Variants in CDH13 observed in about 807,000 individuals in gnomAD.
CDH13 encodes cadherin 13, also known as cadherin-13.
Under a neutral mutation model 63.8 loss-of-function variants are expected in CDH13, and 24 were observed. The observed-to-expected ratio is 0.38, with a 90% CI of 0.27 to 0.53. The LOEUF is 0.53. CDH13 is among the 20% of genes least tolerant of loss of function. CDH13 has a pLI of 0.85. For synonymous variants in CDH13, 503 were observed against 355.3 expected (o/e 1.42, Z -4.67); for missense variants, 1,049 against 903.1 (o/e 1.16, Z -2.07).
chr16:83,304,573 C>T (rs1388193064), intron 5 of CDH13, among the ~76,000 whole-genome samples: 1 of 152,052 alleles, frequency 6.6e-6, no homozygotes, highest in African/African-American at 2.4e-5. Context: ...GATATTTGTC[C>T]TCGATACATA....
chr16:82,918,715 G>A (rs2042068209), intron 2 of CDH13, among the ~76,000 whole-genome samples: 1 of 151,960 alleles, frequency 6.6e-6, no homozygotes. Context: ...CAACGTGTTG[G>A]CCAGGCTGGT....
At chr16:83,004,862 G>A (rs1427378218) in intron 2 of CDH13, among the ~76,000 whole-genome samples, 1 of 152,198 alleles carries the variant, frequency 6.6e-6, no homozygotes, top group Non-Finnish European at 1.5e-5. Context: ...AGTTACAGCA[G>A]CTTTGTGATT....
intron 7 of CDH13, among the ~76,000 whole-genome samples, chr16:83,512,396 C>A (rs968373792): frequency 2.0e-5 from 3 of 149,228 alleles, no homozygotes; most frequent in African/African-American, 7.4e-5. Flanking sequence ...AAGGGCTGGG[C>A]GTGGTGGCTC....
intron 2 of CDH13, among the ~76,000 whole-genome samples, chr16:82,910,214 G>C (rs2041785721): frequency 6.6e-6 from 1 of 152,128 alleles, no homozygotes; most frequent in Admixed American, 6.5e-5. Flanking sequence ...TTAAACCCTT[G>C]TTGTTTGACA....
intron 7 of CDH13, among the ~76,000 whole-genome samples, chr16:83,491,604 C>G (rs2074014316): frequency 6.7e-6 from 1 of 149,242 alleles, no homozygotes; most frequent in African/African-American, 2.5e-5. Context: ...GAAATAGTTT[C>G]CAAAATAGAC....
chr16:83,050,500 T>C (rs1430866221), intron 3 of CDH13, among the ~76,000 whole-genome samples: 1 of 152,146 alleles, frequency 6.6e-6, no homozygotes, highest in Non-Finnish European at 1.5e-5. Flanking sequence ...TAGAAACCCA[T>C]ATATTTTCTT....
At chr16:82,665,368 C>A (rs1312179850) in intron 1 of CDH13, among the ~76,000 whole-genome samples, 1 of 152,042 alleles carries the variant, frequency 6.6e-6, no homozygotes, top group Admixed American at 6.5e-5. Flanking sequence ...TTAAGTAAGG[C>A]ATCTTTAAAC....
chr16:83,352,972 G>A (rs1435719344), intron 6 of CDH13, among the ~76,000 whole-genome samples: 3 of 152,218 alleles, frequency 2.0e-5, no homozygotes, highest in African/African-American at 7.2e-5. Flanking sequence ...AAATAACTCA[G>A]AAAGTCAAAT....
chr16:83,201,670 G>A (rs1380637934), intron 4 of CDH13, among the ~76,000 whole-genome samples: 1 of 151,926 alleles, frequency 6.6e-6, no homozygotes. Context: ...GGCTGAGGCG[G>A]GCAGGTCACG....
chr16:83,354,996 C>G (rs765983361), intron 6 of CDH13, among the ~76,000 whole-genome samples: 3 of 152,172 alleles, frequency 2.0e-5, no homozygotes, highest in Non-Finnish European at 4.4e-5. Context: ...TGATCCTCTG[C>G]AAATAAAAAG....
At chr16:83,607,679 A>C (rs1908471203) in intron 8 of CDH13, among the ~76,000 whole-genome samples, 1 of 152,218 alleles carries the variant, frequency 6.6e-6, no homozygotes, top group African/African-American at 2.4e-5. Context: ...ATTGATGTTC[A>C]TGCAAATTTA....
At chr16:83,443,049 T>C (rs2072528519) in intron 6 of CDH13, among the ~76,000 whole-genome samples, 1 of 152,250 alleles carries the variant, frequency 6.6e-6, no homozygotes, top group Non-Finnish European at 1.5e-5. Flanking sequence ...TCTGCAGTGC[T>C]ACAGCTGTTC....
intron 1 of CDH13, among the ~76,000 whole-genome samples, chr16:82,846,971 C>G (rs1052635968): frequency 6.6e-6 from 1 of 152,184 alleles, no homozygotes; most frequent in African/African-American, 2.4e-5. Context: ...TTAGGACACT[C>G]ATTGCCACAT....
chr16:83,190,820 A>G (rs35632688), intron 4 of CDH13, among the ~76,000 whole-genome samples: 27,082 of 152,084 alleles, frequency 0.18, 2,640 homozygotes, highest in African/African-American at 0.24. Flanking sequence ...TTCCTGCTCA[A>G]CCAAACAGCC....
rs765402545 is a variant in CDH13, at chr16:83,783,415, G to A, written c.2077G>A (p.Gly693Arg). 1.4e-4 allele frequency: 231 copies of A among 1,613,798 alleles called. No individual in the cohort carries two copies. The highest frequency in any genetic ancestry group is 1.8e-4 in the Non-Finnish European group (217 of 1,179,832). The change falls in exon 13 of 14, where the codon GGG becomes AGG. Residue 693 changes from glycine to arginine, a missense_variant. Gly to Arg is a moderately radical substitution (Grantham distance 125). Coordinates refer to ENST00000567109, the MANE Select transcript of CDH13 (RefSeq NM_001257.5). ...TTCCAAAGTGGACTGCAACGCGGCA[G>A]GGGCCCTGCGCTTCAGCCTGCCCTC... ...RNSKVDCNAA[G>R]ALRFSLPSVL...
chr16:83,618,708 G>T (rs940878307), intron 8 of CDH13, among the ~76,000 whole-genome samples: 1 of 151,518 alleles, frequency 6.6e-6, no homozygotes, highest in African/African-American at 2.4e-5. Flanking sequence ...AAACTGCAGA[G>T]ATCCCTGAAT....
At chr16:83,763,416 T>G (rs254336) in intron 11 of CDH13, among the ~76,000 whole-genome samples, 2 of 151,850 alleles carry the variant, frequency 1.3e-5, no homozygotes, top group African/African-American at 4.8e-5. Context: ...TGATTTTTTT[T>G]AAAAATTGTT....
chr16:83,044,189 G>A (rs909173920), intron 3 of CDH13, among the ~76,000 whole-genome samples: 1 of 152,168 alleles, frequency 6.6e-6, no homozygotes, highest in African/African-American at 2.4e-5. Context: ...CTCAGGCTCA[G>A]AAAAGTTAAG....
At chr16:83,020,611 A>G (rs1407071953) in intron 2 of CDH13, among the ~76,000 whole-genome samples, 3 of 152,204 alleles carry the variant, frequency 2.0e-5, no homozygotes, top group Non-Finnish European at 4.4e-5. Flanking sequence ...GTGGTTTGTG[A>G]ATCTTTGAGT....
Sources: allele counts gnomAD v4.1 joint callset (sites outside exome capture counted in the v4.1 genomes callset), GRCh38; gene constraint gnomAD v4.1.1; transcripts MANE v1.5; gene names NCBI Gene and HGNC (gene_info 2026-07-23, HGNC 2026-07-21).